PTPN14: variants seen among roughly 807,000 people sequenced by gnomAD.
PTPN14 encodes the protein protein tyrosine phosphatase non-receptor type 14, also known as tyrosine-protein phosphatase non-receptor type 14.
In PTPN14, 53 loss-of-function variants were observed where a neutral mutation model predicts 126.8. The observed-to-expected ratio is 0.42, with a 90% CI of 0.34 to 0.53. PTPN14 has a LOEUF of 0.53. PTPN14 is among the 20% of genes least tolerant of loss of function. PTPN14 has a pLI of 0.08. For missense variants in PTPN14, 1,257 were observed against 1,552.9 expected, an observed-to-expected ratio of 0.81 and a Z score of 3.20; for synonymous variants, 630 against 599.3, an observed-to-expected ratio of 1.05 and a Z score of -0.75.
At chr1:214,406,950 C>A (rs1484364829) in intron 5 of PTPN14, among the ~76,000 whole-genome samples, 1 of 152,122 alleles carries the variant, frequency 6.6e-6, no homozygotes, top group Non-Finnish European at 1.5e-5. Flanking sequence ...CCCTCCAATA[C>A]CAACTACCCC....
intron 1 of PTPN14, among the ~76,000 whole-genome samples, chr1:214,485,872 C>T (rs1290227389): frequency 6.6e-6 from 1 of 152,028 alleles, no homozygotes; most frequent in African/African-American, 2.4e-5. Flanking sequence ...ACTACAGGCG[C>T]CCGCCGCCAC....
intron 10 of PTPN14, 21 bp from the exon 11 acceptor site, chr1:214,391,066 A>G (rs776179956): frequency 1.3e-6 from 2 of 1,537,576 alleles, no homozygotes; most frequent in South Asian, 2.4e-5. Context: ...AGGTGAAAAA[A>G]TGAGAATGGT....
chr1:214,449,793 CTGTT>C (rs934481128), intron 3 of PTPN14, among the ~76,000 whole-genome samples: 11 of 151,864 alleles, frequency 7.2e-5, no homozygotes, highest in East Asian at 5.8e-4. Flanking sequence ...CTCACGGCCT[CTGTT>C]TGCAATTATG....
intron 1 of PTPN14, among the ~76,000 whole-genome samples, chr1:214,484,995 A>C (rs978907040): frequency 1.3e-5 from 2 of 152,362 alleles, no homozygotes; most frequent in Admixed American, 1.3e-4. Flanking sequence ...TCAAGGAAAA[A>C]CAAAAATGTG....
At position 214,548,777 on chromosome 1, in the gene PTPN14, CA is replaced by C. The variant is rs1656034524; in HGVS notation, c.-155+2405del. Among the ~76,000 whole-genome samples, 4 of 152,294 alleles carry C rather than the reference CA, an allele frequency of 2.6e-5. No individual in the cohort carries two copies. In the South Asian group the frequency reaches 8.3e-4, roughly 32 times the overall value. ...GTTCTTGACACTTAGCCCATCCGTTCAGGGCAAATAAGAATTATTCTAAAAA... is the reference window on the plus strand; with the variant it reads ...GTTCTTGACACTTAGCCCATCCGTTCGGGCAAATAAGAATTATTCTAAAAA... On this transcript the variant is annotated intron_variant, in intron 1 of 18. Coordinates refer to ENST00000366956, the MANE Select transcript of PTPN14 (RefSeq NM_005401.5).
Position 214,434,346 on chromosome 1 carries a change from T to C in PTPN14, c.344+17459A>G, listed in dbSNP as rs1245132481. ...AGTGGGCTCTCCATGTCTAACGTTG[T>C]CTAAAAGTGAGAAAAGGCCCCTGGC... On this transcript the variant is annotated intron_variant, in intron 3 of 18. Coordinates refer to ENST00000366956, the MANE Select transcript of PTPN14 (RefSeq NM_005401.5). 2.0e-5 allele frequency among the ~76,000 whole-genome samples: 3 copies of C among 152,084 alleles called. No homozygotes were observed. The South Asian group carries it at 6.2e-4, about 32-fold the overall frequency.
intron 1 of PTPN14, among the ~76,000 whole-genome samples, chr1:214,482,579 G>GAA (rs56404750): frequency 0.011 from 1,681 of 149,766 alleles, 43 homozygotes; most frequent in East Asian, 0.07. Context: ...GTTTAGAAAA[G>GAA]AAAAAAAAAA....
chr1:214,494,042 T>C (rs1038324212), intron 1 of PTPN14, among the ~76,000 whole-genome samples: 1 of 152,134 alleles, frequency 6.6e-6, no homozygotes, highest in East Asian at 1.9e-4. Context: ...CCGTCCTTAG[T>C]GCCTTCCTTT....
At chr1:214,366,175 C>T (rs3002302) in intron 17 of PTPN14, among the ~76,000 whole-genome samples, 122,790 of 152,052 alleles carry the variant, frequency 0.81, 50,161 homozygotes, top group African/African-American at 0.93. Flanking sequence ...CAAAACTCCG[C>T]CTCAATTAAA....
intron 1 of PTPN14, among the ~76,000 whole-genome samples, chr1:214,518,065 C>T (rs1655153224): frequency 6.6e-6 from 1 of 152,156 alleles, no homozygotes; most frequent in Non-Finnish European, 1.5e-5. Flanking sequence ...CTTTTCATAA[C>T]CCCTGAGCTA....
intron 17 of PTPN14, among the ~76,000 whole-genome samples, chr1:214,367,594 G>C (rs1658112144): frequency 6.6e-6 from 1 of 152,126 alleles, no homozygotes; most frequent in South Asian, 2.1e-4. Context: ...CTCCATGGTG[G>C]TCACAGGTCT....
intron 18 of PTPN14, among the ~76,000 whole-genome samples, chr1:214,362,491 C>T (rs1383562094): frequency 6.6e-6 from 1 of 152,202 alleles, no homozygotes; most frequent in Non-Finnish European, 1.5e-5. Flanking sequence ...CCACACTGGC[C>T]GAATCCCTTA....
At chr1:214,378,278 T>G (rs1230421993) in intron 13 of PTPN14, among the ~76,000 whole-genome samples, 176 bp from the exon 14 acceptor site, 1 of 152,194 alleles carries the variant, frequency 6.6e-6, no homozygotes, top group Non-Finnish European at 1.5e-5. Context: ...GGAAGCCAGT[T>G]CCTACAGGAC....
At chr1:214,431,094 G>A (rs1659786449) in intron 3 of PTPN14, among the ~76,000 whole-genome samples, 2 of 152,194 alleles carry the variant, frequency 1.3e-5, no homozygotes, top group Non-Finnish European at 2.9e-5. Context: ...GAAACCCAGG[G>A]TGTCCAGAGA....
In PTPN14 at chr1:214,551,460, A is replaced by T. The variant is rs896033944; in HGVS notation, c.-432T>A. On this transcript the variant is annotated 5_prime_UTR_variant, in exon 1 of 19. Transcript: ENST00000366956. ...GGATGGCTCAGCTGGGAGGGGAAGGAGCGCCAGTGGCCACTTGATGTCTGT... is the reference window on the plus strand; with the variant it reads ...GGATGGCTCAGCTGGGAGGGGAAGGTGCGCCAGTGGCCACTTGATGTCTGT... 1 of 152,478 alleles carries T rather than the reference A, an allele frequency of 6.6e-6. No homozygotes were observed. Among genetic ancestry groups the T allele is most frequent in the African/African-American group, 2.4e-5 (1 of 41,424 alleles). 9.4% of individuals were successfully genotyped at this position (152,478 alleles called of 1,614,324 possible). A position where few individuals can be genotyped will look rare whatever the true frequency, so the allele number is the denominator to read the frequency against.
chr1:214,514,458 T>C (rs929144114), intron 1 of PTPN14, among the ~76,000 whole-genome samples: 1 of 152,142 alleles, frequency 6.6e-6, no homozygotes, highest in Non-Finnish European at 1.5e-5. Flanking sequence ...CAGTCCTCTA[T>C]GGATAGGAAA....
intron 17 of PTPN14, among the ~76,000 whole-genome samples, chr1:214,365,696 CT>C (rs1477776568): frequency 6.6e-6 from 1 of 152,208 alleles, no homozygotes; most frequent in East Asian, 1.9e-4. Context: ...ATAATCCATA[CT>C]TTCCTTTATA....
chr1:214,502,817 G>A (rs530274288), intron 1 of PTPN14, among the ~76,000 whole-genome samples: 1 of 152,226 alleles, frequency 6.6e-6, no homozygotes, highest in East Asian at 1.9e-4. Context: ...GAAAAAAATA[G>A]GGAAAACATA....
rs1410040201 is a variant in PTPN14 at position 214,354,901 on chromosome 1, ACTTTGCTT to A, written c.*3013_*3020del. ...TCTAACTAGATAACTAATTTAATAC[ACTTTGCTT>A]CAAGGTTTATTCCTTGGCTTGCTTC... On this transcript the variant is annotated 3_prime_UTR_variant, in exon 19 of 19. Transcript: ENST00000366956. 2 of 152,152 alleles carry A rather than the reference ACTTTGCTT, an allele frequency of 1.3e-5. No homozygotes were observed. The highest frequency in any genetic ancestry group is 2.9e-5 in the Non-Finnish European group (2 of 68,022). The allele number at this position is 152,152 out of a possible 1,614,324, so 9.4% of individuals were successfully genotyped here.
Sources: allele counts gnomAD v4.1 joint callset (sites outside exome capture counted in the v4.1 genomes callset), GRCh38; gene constraint gnomAD v4.1.1; transcripts MANE v1.5; gene names NCBI Gene and HGNC (gene_info 2026-07-23, HGNC 2026-07-21).